The following LRSAM1 variants were observed in gnomAD, a reference collection of about 807,000 sequenced individuals.
The protein encoded by LRSAM1 is E3 ubiquitin-protein ligase LRSAM1.
A neutral mutation model predicts 118.1 loss-of-function variants in LRSAM1; 96 were observed. The ratio of observed to expected loss-of-function variants is 0.81; its 90% confidence interval spans 0.69 to 0.96. The LOEUF is 0.96. LRSAM1 is among the 40% of genes least tolerant of loss of function. LRSAM1 has a pLI of 0.00. For synonymous variants in LRSAM1, 322 were observed against 364.2 expected, an observed-to-expected ratio of 0.88 and a Z score of 1.32; for missense variants, 804 against 915.5, an observed-to-expected ratio of 0.88 and a Z score of 1.57.
At chr9:127,459,164 G>GCTTCCACTGGC in intron 7 of LRSAM1, 93 bp downstream of exon 7, 2 of 1,256,590 alleles carry the variant, frequency 1.6e-6, no homozygotes, top group South Asian at 1.2e-5. Flanking sequence ...GCTCCAGCCA[G>GCTTCCACTGGC]TGGAAGCAGG....
intron 16 of LRSAM1, among the ~76,000 whole-genome samples, chr9:127,484,792 T>TTC (rs1490640039): frequency 4.7e-4 from 68 of 143,628 alleles, no homozygotes; most frequent in Middle Eastern, 3.5e-3. Context: ...ATTTTAATTT[T>TTC]TTGATTTTTC....
rs756668360 is a variant in LRSAM1, at chr9:127,489,435, G to A, written c.1348-9G>A. On this transcript the variant is annotated splice_polypyrimidine_tract_variant and intron_variant, in intron 18 of 25. Coordinates refer to ENST00000300417, the MANE Select transcript of LRSAM1 (RefSeq NM_001005373.4). Reference sequence around the variant, plus strand: ...GGCCCCTGCTGAGGGCTGGTGGTCTGTGTTGCAGAGCGCGATGCAGAAGGC... The same window carrying A: ...GGCCCCTGCTGAGGGCTGGTGGTCTATGTTGCAGAGCGCGATGCAGAAGGC... 1.9e-6 allele frequency: 3 copies of A among 1,604,260 alleles called. No homozygotes were observed. The highest frequency in any genetic ancestry group is 2.6e-6 in the Non-Finnish European group (3 of 1,176,456).
chr9:127,457,338 A>C lies in LRSAM1; in HGVS notation c.197A>C (p.His66Pro). ...QKKVLIVHTN[H>P]LTSLLPKSCS... The stretch of plus-strand genomic sequence containing the variant: ...CAGGTGCTGATCGTCCACACGAATC[A>C]CCTCACTTCCCTGCTTCCCAAATCC... The change falls in exon 6 of 26, where the codon CAC becomes CCC. Residue 66 changes from histidine (H) to proline (P), a missense_variant. By Grantham distance (77) the His-to-Pro change is moderately conservative. Coordinates refer to ENST00000300417, the MANE Select transcript of LRSAM1 (RefSeq NM_001005373.4). 1 of 1,614,148 alleles carries C rather than the reference A, an allele frequency of 6.2e-7. No homozygotes were observed. The highest frequency in any genetic ancestry group is 1.1e-5 in the South Asian group (1 of 91,082).
intron 7 of LRSAM1, 145 bp downstream of exon 7, chr9:127,459,216 G>A: frequency 7.0e-6 from 5 of 712,968 alleles, no homozygotes; most frequent in South Asian, 3.2e-5. Flanking sequence ...GGCCCTTTGG[G>A]GTTTTTTTTT....
At chr9:127,487,332 C>T (rs1835769491) in intron 17 of LRSAM1, among the ~76,000 whole-genome samples, 1 of 152,084 alleles carries the variant, frequency 6.6e-6, no homozygotes, top group African/African-American at 2.4e-5. Context: ...TTCGGTGGCT[C>T]ACCACCCATG....
In LRSAM1 at chr9:127,497,342, C is replaced by A; in HGVS notation, c.1912+8C>A. On this transcript the variant is annotated splice_region_variant and intron_variant, in intron 24 of 25. Transcript: ENST00000300417. ...CAGCCAGGATCCAGCCAGGTACAAG[C>A]ACAGCTCCAGCCTCTTCCAGGCAGG... 6.2e-7 allele frequency: 1 copy of A among 1,610,342 alleles called. No homozygotes were observed. Among genetic ancestry groups the A allele is most frequent in the Non-Finnish European group, 8.5e-7 (1 of 1,179,404 alleles).
intron 10 of LRSAM1, among the ~76,000 whole-genome samples, chr9:127,469,572 A>G (rs1216410119): frequency 6.6e-6 from 1 of 152,186 alleles, no homozygotes; most frequent in Non-Finnish European, 1.5e-5. Flanking sequence ...TTAAAACTGC[A>G]AAGAGATACT....
At chr9:127,490,994 C>T (rs533548560) in intron 19 of LRSAM1, among the ~76,000 whole-genome samples, 1 of 89,650 alleles carries the variant, frequency 1.1e-5, no homozygotes, top group Non-Finnish European at 2.5e-5. Flanking sequence ...TTGGCCACAA[C>T]AAGCACGTCC....
At chr9:127,492,509 G>A (rs1835967614) in intron 20 of LRSAM1, among the ~76,000 whole-genome samples, 1 of 152,248 alleles carries the variant, frequency 6.6e-6, no homozygotes, top group Admixed American at 6.5e-5. Context: ...CTGTTGTCTG[G>A]GAGACCAAAG....
intron 9 of LRSAM1, among the ~76,000 whole-genome samples, chr9:127,464,937 C>T (rs544729482): frequency 1.1e-4 from 16 of 152,152 alleles, no homozygotes; most frequent in Admixed American, 7.9e-4. Flanking sequence ...CCACCACACC[C>T]AACCTGGACA....
At chr9:127,457,892 A>G (rs569010313) in intron 6 of LRSAM1, among the ~76,000 whole-genome samples, 1 of 152,092 alleles carries the variant, frequency 6.6e-6, no homozygotes, top group African/African-American at 2.4e-5. Context: ...GCACAGGCCC[A>G]ATCTGTTATA....
chr9:127,487,868 G>A (rs1835789736), intron 18 of LRSAM1, 105 bp downstream of exon 18: 7 of 863,666 alleles, frequency 8.1e-6, no homozygotes, highest in Admixed American at 2.3e-5. Flanking sequence ...CAGCATGTGG[G>A]ACCACAGAGG....
chr9:127,454,644 C>T lies in LRSAM1; in HGVS notation c.72+45C>T, dbSNP rs74876850. 6.7e-4 allele frequency: 1,054 copies of T among 1,581,142 alleles called. 5 individuals carry two copies. The African/African-American group carries it at 0.012, about 18-fold the overall frequency. On this transcript the variant is annotated intron_variant, in intron 3 of 25. Coordinates refer to ENST00000300417, the MANE Select transcript of LRSAM1 (RefSeq NM_001005373.4). ...CTCTAACTCTATCCCATCTCCTCCTCGGTCCCCATGGAGTAGGCCTCCGCA... is the reference window on the plus strand; with the variant it reads ...CTCTAACTCTATCCCATCTCCTCCTTGGTCCCCATGGAGTAGGCCTCCGCA...
At chr9:127,472,723 CT>C (rs1456571125) in intron 10 of LRSAM1, among the ~76,000 whole-genome samples, 1 of 152,112 alleles carries the variant, frequency 6.6e-6, no homozygotes, top group East Asian at 1.9e-4. Context: ...CTATGCCTTG[CT>C]TTTTTTGTCT....
At chr9:127,500,878 CAGATCTG>C in intron 24 of LRSAM1, 125 bp from the exon 25 acceptor site, 2 of 1,252,638 alleles carry the variant, frequency 1.6e-6, no homozygotes, top group Middle Eastern at 3.8e-4. Context: ...GCACTTCCCT[CAGATCTG>C]AGAGCAGAGG....
intron 20 of LRSAM1, 131 bp from the exon 21 acceptor site, chr9:127,492,671 C>T: frequency 1.2e-6 from 1 of 813,502 alleles, no homozygotes; most frequent in Non-Finnish European, 2.0e-6. Flanking sequence ...AGCTTTGTCC[C>T]CCAACGCAGC....
At chr9:127,463,361 G>A (rs955982218) in intron 9 of LRSAM1, among the ~76,000 whole-genome samples, 1 of 152,044 alleles carries the variant, frequency 6.6e-6, no homozygotes, top group African/African-American at 2.4e-5. Context: ...CAGAAAGCTG[G>A]GAGGGAGAGA....
At chr9:127,467,679 T>G (rs1835008620) in intron 9 of LRSAM1, 61 bp from the exon 10 acceptor site, 1 of 1,457,208 alleles carries the variant, frequency 6.9e-7, no homozygotes, top group Non-Finnish European at 9.5e-7. Context: ...GATAAGGAAA[T>G]CGTGTGGTCT....
At chr9:127,493,259 G>A (rs986773934) in intron 21 of LRSAM1, among the ~76,000 whole-genome samples, 3 of 151,904 alleles carry the variant, frequency 2.0e-5, no homozygotes, top group Admixed American at 6.6e-5. Flanking sequence ...ATGGGGTTTC[G>A]CTATGTTGCC....
Sources: allele counts gnomAD v4.1 joint callset (sites outside exome capture counted in the v4.1 genomes callset), GRCh38; gene constraint gnomAD v4.1.1; transcripts MANE v1.5; gene names NCBI Gene and HGNC (gene_info 2026-07-23, HGNC 2026-07-21).